GUCY1A2: variants seen among roughly 807,000 people sequenced by gnomAD.
The protein encoded by GUCY1A2 is guanylate cyclase 1 soluble subunit alpha 2.
Under a neutral mutation model 63.5 loss-of-function variants are expected in GUCY1A2, and 27 were observed. The ratio of observed to expected loss-of-function variants is 0.43; its 90% confidence interval spans 0.31 to 0.59. The LOEUF is 0.59. GUCY1A2 is among the 20% of genes least tolerant of loss of function. The pLI is 0.11. For missense variants in GUCY1A2, 768 were observed against 913.3 expected, an observed-to-expected ratio of 0.84 and a Z score of 2.05; for synonymous variants, 364 against 343.5, an observed-to-expected ratio of 1.06 and a Z score of -0.66.
chr11:106,814,828 A>C (rs1283303056), intron 4 of GUCY1A2, among the ~76,000 whole-genome samples: 1 of 152,112 alleles, frequency 6.6e-6, no homozygotes, highest in Non-Finnish European at 1.5e-5. Flanking sequence ...TTTTAAATAG[A>C]ATCTAGAGTC....
intron 1 of GUCY1A2, among the ~76,000 whole-genome samples, chr11:107,002,385 A>T (rs1425245837): frequency 8.3e-6 from 1 of 120,444 alleles, no homozygotes; most frequent in African/African-American, 3.2e-5. Flanking sequence ...GAGAATAAGA[A>T]CAGGTGTGTG....
intron 3 of GUCY1A2, among the ~76,000 whole-genome samples, chr11:106,978,301 A>G (rs573245954): frequency 6.6e-6 from 1 of 152,324 alleles, no homozygotes; most frequent in African/African-American, 2.4e-5. Context: ...AAAAGATCCT[A>G]CAACTTTAGC....
At position 107,018,014 on chromosome 11, in the gene GUCY1A2, C is replaced by T. The variant is rs146531372; in HGVS notation, c.42G>A (p.Leu14=). The change falls in exon 1 of 8, where the codon CTG becomes CTA. Residue 14 remains leucine, a synonymous_variant. Transcript: ENST00000526355. The part of the protein sequence containing the change: ...RKISSESFSS[L]GSDYLETSPE... Reference sequence around the variant, plus strand: ...GGCTGGTCTCCAGGTAGTCGGAGCCCAGGGAGCTGAAGGACTCGGACGAAA... The same window carrying T: ...GGCTGGTCTCCAGGTAGTCGGAGCCTAGGGAGCTGAAGGACTCGGACGAAA... The T allele has an allele frequency of 1.4e-6, 2 of 1,479,554 alleles. No homozygotes were observed. Among genetic ancestry groups the T allele is most frequent in the African/African-American group, 1.5e-5 (1 of 68,476 alleles). 91.7% of individuals were successfully genotyped at this position (1,479,554 alleles called of 1,614,324 possible). A position where few individuals can be genotyped will look rare whatever the true frequency, so the allele number is the denominator to read the frequency against.
chr11:106,932,519 C>T (rs1170172843), intron 4 of GUCY1A2, among the ~76,000 whole-genome samples: 1 of 152,122 alleles, frequency 6.6e-6, no homozygotes. Context: ...TTAGAAGAGT[C>T]AGTATCATTA....
chr11:106,872,530 T>G (rs956870204), intron 4 of GUCY1A2, among the ~76,000 whole-genome samples: 3 of 152,138 alleles, frequency 2.0e-5, no homozygotes, highest in African/African-American at 7.2e-5. Context: ...CTTTTAAATA[T>G]CTGAGGGATA....
intron 4 of GUCY1A2, among the ~76,000 whole-genome samples, chr11:106,873,250 A>G (rs773967019): frequency 6.6e-6 from 1 of 152,186 alleles, no homozygotes; most frequent in Non-Finnish European, 1.5e-5. Context: ...GTGTCTTTAT[A>G]GTAGAATGAT....
At chr11:106,889,007 A>G (rs1408537793) in intron 4 of GUCY1A2, among the ~76,000 whole-genome samples, 1 of 152,188 alleles carries the variant, frequency 6.6e-6, no homozygotes, top group Non-Finnish European at 1.5e-5. Flanking sequence ...TTTAGAAAAA[A>G]AAAACCTTAA....
At chr11:106,692,485 G>C (rs2135336771) in intron 7 of GUCY1A2, among the ~76,000 whole-genome samples, 1 of 152,156 alleles carries the variant, frequency 6.6e-6, no homozygotes, top group East Asian at 1.9e-4. Context: ...CAGAAATGAA[G>C]CTGGTTTCTG....
chr11:106,839,339 C>T (rs1010711850), intron 4 of GUCY1A2, among the ~76,000 whole-genome samples: 3 of 151,920 alleles, frequency 2.0e-5, no homozygotes, highest in South Asian at 2.1e-4. Context: ...GAATGGCGAT[C>T]ATTAAAAAGT....
intron 4 of GUCY1A2, among the ~76,000 whole-genome samples, chr11:106,912,322 A>C (rs1860306250): frequency 6.6e-6 from 1 of 152,052 alleles, no homozygotes; most frequent in South Asian, 2.1e-4. Flanking sequence ...ATATTTCAAA[A>C]TACTTGTTGA....
At chr11:106,940,933 G>C (rs544421663) in intron 3 of GUCY1A2, among the ~76,000 whole-genome samples, 2 of 152,068 alleles carry the variant, frequency 1.3e-5, no homozygotes, top group Admixed American at 1.3e-4. Context: ...TTATCGAAAT[G>C]CATGTATTAA....
At chr11:106,825,879 G>T (rs763551786) in intron 4 of GUCY1A2, among the ~76,000 whole-genome samples, 8 of 152,190 alleles carry the variant, frequency 5.3e-5, no homozygotes, top group Non-Finnish European at 1.2e-4. Context: ...GGACAAGCTT[G>T]TAGATGATTT....
intron 6 of GUCY1A2, among the ~76,000 whole-genome samples, chr11:106,749,126 G>A (rs1202460597): frequency 6.6e-6 from 1 of 151,884 alleles, no homozygotes; most frequent in Non-Finnish European, 1.5e-5. Flanking sequence ...AGTCACATCC[G>A]GTACAGGTTA....
At chr11:106,731,065 T>G (rs1386596466) in intron 6 of GUCY1A2, among the ~76,000 whole-genome samples, 2 of 152,174 alleles carry the variant, frequency 1.3e-5, no homozygotes, top group African/African-American at 4.8e-5. Context: ...ACTCTCCTGA[T>G]AGTTTCTTTT....
intron 3 of GUCY1A2, among the ~76,000 whole-genome samples, chr11:106,942,757 A>C (rs754361793): frequency 6.6e-6 from 1 of 152,206 alleles, no homozygotes; most frequent in Non-Finnish European, 1.5e-5. Context: ...AGGATCCCAA[A>C]GAATCATCCA....
chr11:106,956,968 G>A (rs546163141), intron 3 of GUCY1A2, among the ~76,000 whole-genome samples: 31 of 152,232 alleles, frequency 2.0e-4, no homozygotes, highest in African/African-American at 4.6e-4. Flanking sequence ...TTCTGTCCCC[G>A]AGCCTCTAGC....
rs572542151 is a variant in GUCY1A2, at chr11:106,933,484, T to C, written c.1206+5976A>G. On this transcript the variant is annotated intron_variant, in intron 4 of 7. Transcript: ENST00000526355. ...GGCTGTGGAGAAAAGGGAACACTTA[T>C]ACGTTGTTGGTGGGACTATAAATTA... Among the ~76,000 whole-genome samples, 6 of 152,290 alleles carry C rather than the reference T, an allele frequency of 3.9e-5. No individual in the cohort carries two copies. The East Asian group carries it at 7.7e-4, about 20-fold the overall frequency.
At chr11:106,797,582 G>A (rs923142056) in intron 5 of GUCY1A2, among the ~76,000 whole-genome samples, 29 of 152,144 alleles carry the variant, frequency 1.9e-4, no homozygotes, top group Non-Finnish European at 3.1e-4. Flanking sequence ...AGACCACAGT[G>A]TAATCAAACT....
At chr11:106,905,047 G>A (rs1012872867) in intron 4 of GUCY1A2, among the ~76,000 whole-genome samples, 5 of 152,116 alleles carry the variant, frequency 3.3e-5, no homozygotes, top group African/African-American at 1.2e-4. Flanking sequence ...AGGAAATGAT[G>A]CATAATGCCT....
Sources: allele counts gnomAD v4.1 joint callset (sites outside exome capture counted in the v4.1 genomes callset), GRCh38; gene constraint gnomAD v4.1.1; transcripts MANE v1.5; gene names NCBI Gene and HGNC (gene_info 2026-07-23, HGNC 2026-07-21).